The following MYBPC2 variants were observed in gnomAD, a reference collection of about 807,000 sequenced individuals.
MYBPC2 encodes the protein myosin-binding protein C, fast-type.
Under a neutral mutation model 137.0 loss-of-function variants are expected in MYBPC2, and 122 were observed. The ratio of observed to expected loss-of-function variants is 0.89; its 90% confidence interval spans 0.77 to 1.03. The LOEUF (loss-of-function observed/expected upper bound fraction) is 1.03. Among genes scored for constraint, MYBPC2 ranks in the 50% least tolerant of loss-of-function variants. The probability of loss-of-function intolerance (pLI) is 0.00; values close to 1 mark genes in which losing one functional copy is unlikely to be tolerated. For missense variants in MYBPC2, 1,500 were observed against 1,534.4 expected, an observed-to-expected ratio of 0.98 and a Z score of 0.37; for synonymous variants, 626 against 612.3, an observed-to-expected ratio of 1.02 and a Z score of -0.33.
chr19:50,458,886 G>A, intron 21 of MYBPC2, 32 bp from the exon 22 acceptor site: 1 of 1,072,294 alleles, frequency 9.3e-7, no homozygotes, highest in Non-Finnish European at 1.4e-6. Context: ...CCGGCCCCCC[G>A]CTGAGCCCCC....
rs952937343 is a variant in MYBPC2, at chr19:50,456,313, CATCT to C, written c.2338+670_2338+673del. 4.8e-5 allele frequency among the ~76,000 whole-genome samples: 7 copies of C among 147,074 alleles called. No individual in the cohort carries two copies. In the East Asian group the frequency reaches 7.8e-4, roughly 16 times the overall value. On this transcript the variant is annotated intron_variant, in intron 20 of 27. Transcript: ENST00000357701. Reference sequence around the variant, plus strand: ...TCCATCATCCATCCATCCATCCATCCATCTGTCCATCCATCCATCCGTCTGTCCA... The same window carrying C: ...TCCATCATCCATCCATCCATCCATCCGTCCATCCATCCATCCGTCTGTCCA...
intron 7 of MYBPC2, among the ~76,000 whole-genome samples, 178 bp from the exon 8 acceptor site, chr19:50,440,702 T>A (rs2039745687): frequency 6.8e-6 from 1 of 148,146 alleles, no homozygotes; most frequent in African/African-American, 2.5e-5. Context: ...GGGACTGTGC[T>A]GGGAAGAGGT....
intron 16 of MYBPC2, among the ~76,000 whole-genome samples, chr19:50,453,049 C>T (rs545479419): frequency 1.3e-5 from 2 of 152,314 alleles, no homozygotes; most frequent in Non-Finnish European, 2.9e-5. Context: ...CCGCACCAGG[C>T]ACTGAGGATG....
At chr19:50,455,345 T>C in intron 19 of MYBPC2, 49 bp downstream of exon 19, 1 of 1,589,394 alleles carries the variant, frequency 6.3e-7, no homozygotes, top group South Asian at 1.1e-5. Context: ...TGGATCACTC[T>C]GATCCATCAA....
rs769812631 is a variant in MYBPC2, at chr19:50,435,242, C to G, written c.101C>G (p.Ala34Gly). 4 of 1,245,368 alleles carry G rather than the reference C, an allele frequency of 3.2e-6. No individual in the cohort carries two copies. The Middle Eastern group carries it at 5.6e-4, about 175-fold the overall frequency. The allele number at this position is 1,245,368 out of a possible 1,614,324, so 77.1% of individuals were successfully genotyped here. Residue 34 changes from alanine (A) to glycine (G), a missense_variant, in exon 2 of 28, where the codon GCC (alanine) becomes GGC (glycine). Coordinates refer to ENST00000357701, the MANE Select transcript of MYBPC2 (RefSeq NM_004533.4). The surrounding 1 kb of genome is among the most constrained non-coding windows in gnomAD (Gnocchi z 4.8). ...EAPPKEAPAE[A>G]PKEAPPEDQS... The stretch of plus-strand genomic sequence containing the variant: ...CCCCCTAAGGAGGCTCCTGCAGAGG[C>G]CCCCAAAGGTGAGGAGGTGCTCCCT...
intron 7 of MYBPC2, among the ~76,000 whole-genome samples, chr19:50,438,115 C>A (rs2039720409): frequency 6.6e-6 from 1 of 152,158 alleles, no homozygotes; most frequent in Non-Finnish European, 1.5e-5. Flanking sequence ...ATTCACTCAC[C>A]CATCCATCCA....
At chr19:50,459,880 G>C (rs978758002) in intron 23 of MYBPC2, among the ~76,000 whole-genome samples, 160 bp from the exon 24 acceptor site, 1 of 150,420 alleles carries the variant, frequency 6.6e-6, no homozygotes, top group Non-Finnish European at 1.5e-5. Flanking sequence ...CAGGATAAGA[G>C]GAAGTGGAGA....
chr19:50,436,059 G>A lies in MYBPC2; in HGVS notation c.244G>A (p.Asp82Asn). ...CAAGGTGAACGGGAAGGAGCTCCCAGACAAACCGACCATCAAGTGGTTCAA... is the reference window on the plus strand; with the variant it reads ...CAAGGTGAACGGGAAGGAGCTCCCAAACAAACCGACCATCAAGTGGTTCAA... Reference protein sequence around the residue: ...VAKVNGKELPDKPTIKWFKGK... With the variant: ...VAKVNGKELPNKPTIKWFKGK... Residue 82 changes from aspartate to asparagine, a missense_variant, in exon 4 of 28, where the codon GAC becomes AAC. Transcript: ENST00000357701. The A allele has an allele frequency of 6.3e-7, 1 of 1,584,344 alleles. No homozygotes were observed.
intron 1 of MYBPC2, among the ~76,000 whole-genome samples, chr19:50,433,996 T>C (rs920650873): frequency 2.0e-5 from 3 of 152,066 alleles, no homozygotes; most frequent in African/African-American, 7.2e-5. Flanking sequence ...CAGTGAGCTG[T>C]GATCACGTCA....
Position 50,459,019 on chromosome 19 carries a change from G to C in MYBPC2, c.2595+13G>C. On this transcript the variant is annotated intron_variant, in intron 22 of 27. Transcript: ENST00000357701. ...CGTCCCCTTCCAGGTCAGGGGAGCG[G>C]GGTCACGGGCCGGGGGTCCGCTCTC... 1 of 1,603,080 alleles carries C rather than the reference G, an allele frequency of 6.2e-7. No individual in the cohort carries two copies. The highest frequency in any genetic ancestry group is 8.5e-7 in the Non-Finnish European group (1 of 1,175,636).
At chr19:50,437,385 A>C in intron 5 of MYBPC2, 88 bp from the exon 6 acceptor site, 1 of 1,378,680 alleles carries the variant, frequency 7.3e-7, no homozygotes, top group Non-Finnish European at 1.0e-6. Flanking sequence ...GGCCTGGAAG[A>C]GGTTGTGCAG....
chr19:50,460,693 C>T (rs900352520), intron 24 of MYBPC2, among the ~76,000 whole-genome samples: 1 of 152,150 alleles, frequency 6.6e-6, no homozygotes, highest in Non-Finnish European at 1.5e-5. Flanking sequence ...ATGCAGAAAT[C>T]CTGTTTTTAG....
intron 26 of MYBPC2, 60 bp downstream of exon 26, chr19:50,462,096 A>T: frequency 6.6e-7 from 1 of 1,513,856 alleles, no homozygotes; most frequent in Non-Finnish European, 8.9e-7. Context: ...CTTCCATACA[A>T]TGAAGCCCAC....
At chr19:50,440,285 A>G (rs1372998240) in intron 7 of MYBPC2, among the ~76,000 whole-genome samples, 2 of 152,058 alleles carry the variant, frequency 1.3e-5, no homozygotes, top group East Asian at 1.9e-4. Flanking sequence ...TTACTCATGT[A>G]ACCAAACACC....
rs748482674 is a variant in MYBPC2, at chr19:50,461,681, C to T, written c.3071C>T (p.Thr1024Met). Residue 1024 changes from threonine to methionine, a missense_variant, in exon 25 of 28, where the codon ACG becomes ATG. Coordinates refer to ENST00000357701, the MANE Select transcript of MYBPC2 (RefSeq NM_004533.4). ...LSDSPGVSKN[T>M]ARILKTGITF... ...GACTCACCTGGTGTCTCCAAGAACA[C>T]GGCCCGCATCCTCAAGACAGGTACA... The T allele has an allele frequency of 1.2e-4, 190 of 1,613,468 alleles. No homozygotes were observed. The South Asian group carries it at 1.4e-3, about 12-fold the overall frequency.
At chr19:50,442,368 G>T (rs1375024855) in intron 9 of MYBPC2, 55 bp downstream of exon 9, 3 of 1,579,566 alleles carry the variant, frequency 1.9e-6, no homozygotes, top group African/African-American at 1.3e-5. Context: ...CAGAGAGAAC[G>T]CCCGGAGACA....
Position 50,435,147 on chromosome 19 carries a change from C to A in MYBPC2, c.20-14C>A. Reference sequence around the variant, plus strand: ...AGACCGCATGCTCAACTATGACTGTCCCCTACCTTACAGCGGCCAAAAAGG... The same window carrying A: ...AGACCGCATGCTCAACTATGACTGTACCCTACCTTACAGCGGCCAAAAAGG... On this transcript the variant is annotated splice_polypyrimidine_tract_variant and intron_variant, in intron 1 of 27. Coordinates refer to ENST00000357701, the MANE Select transcript of MYBPC2 (RefSeq NM_004533.4). This position sits in a 1 kb window ranked among gnomAD's most constrained non-coding sequence, Gnocchi z 4.8. 2 of 1,244,204 alleles carry A rather than the reference C, an allele frequency of 1.6e-6. No homozygotes were observed. The highest frequency in any genetic ancestry group is 2.3e-6 in the Non-Finnish European group (2 of 851,146). 77.1% of individuals were successfully genotyped at this position (1,244,204 alleles called of 1,614,324 possible).
Position 50,436,097 on chromosome 19 carries a change from G to A in MYBPC2, c.282G>A (p.Leu94=), listed in dbSNP as rs1187910608. The change falls in exon 4 of 28, where the codon CTG becomes CTA. Residue 94 remains leucine, a synonymous_variant. Coordinates refer to ENST00000357701, the MANE Select transcript of MYBPC2 (RefSeq NM_004533.4). ...TCAAGTGGTTCAAGGGGAAGTGGCT[G>A]GAGCTGGGCAGCAAGAGTGGCGCCC... ...PTIKWFKGKW[L]ELGSKSGARF... is the part of the protein sequence containing the mutation. 4 of 1,582,694 alleles carry A rather than the reference G, an allele frequency of 2.5e-6. No individual in the cohort carries two copies. The highest frequency in any genetic ancestry group is 1.8e-5 in the Admixed American group (1 of 55,110).
chr19:50,458,564 G>A (rs368652508), intron 20 of MYBPC2, 23 bp from the exon 21 acceptor site: 10 of 1,607,432 alleles, frequency 6.2e-6, no homozygotes, highest in East Asian at 4.5e-5. Flanking sequence ...CACGAGATCC[G>A]CCAGCAGGGC....
Sources: allele counts gnomAD v4.1 joint callset (sites outside exome capture counted in the v4.1 genomes callset), GRCh38; gene constraint gnomAD v4.1.1; non-coding constraint Gnocchi (gnomAD v3.1); transcripts MANE v1.5; gene names NCBI Gene and HGNC (gene_info 2026-07-23, HGNC 2026-07-21).